GPR20: variants seen among roughly 807,000 people sequenced by gnomAD.
The protein encoded by GPR20 is G protein-coupled receptor 20, also known as CTD-3064M3.3.
For missense variants in GPR20, 494 were observed against 527.4 expected (o/e 0.94, Z 0.62); for synonymous variants, 241 against 241.9 (o/e 1.00, Z 0.04).
At chr8:141,359,937 C>T (rs769133457) in intron 1 of GPR20, among the ~76,000 whole-genome samples, 1 of 152,222 alleles carries the variant, frequency 6.6e-6, no homozygotes, top group Non-Finnish European at 1.5e-5. Flanking sequence ...TTTGTCTGCA[C>T]GGGGCCTATA....
intron 1 of GPR20, among the ~76,000 whole-genome samples, chr8:141,362,022 G>C (rs567921968): frequency 3.3e-5 from 5 of 152,336 alleles, no homozygotes; most frequent in African/African-American, 1.2e-4. Flanking sequence ...CGGGGCTGCC[G>C]CTGGGTTGGG....
chr8:141,361,502 G>T (rs1240838591), intron 1 of GPR20, among the ~76,000 whole-genome samples: 2 of 152,224 alleles, frequency 1.3e-5, no homozygotes, highest in African/African-American at 4.8e-5. Context: ...CCAGCCCAGA[G>T]TAGGGGCTCA....
rs565667789 is a variant in GPR20 at position 141,360,070 on chromosome 8, G to A, written c.-24-2123C>T. Reference sequence around the variant, plus strand: ...CAGAAAACTCCCCAGGGCCAGCCCAGCAGGCTCACCAGCAACGCTGCGGTG... The same window carrying A: ...CAGAAAACTCCCCAGGGCCAGCCCAACAGGCTCACCAGCAACGCTGCGGTG... On this transcript the variant is annotated intron_variant, in intron 1 of 1. Transcript: ENST00000377741. 7.9e-5 allele frequency among the ~76,000 whole-genome samples: 12 copies of A among 152,304 alleles called. No homozygotes were observed. The East Asian group carries it at 1.9e-3, about 25-fold the overall frequency.
intron 1 of GPR20, among the ~76,000 whole-genome samples, chr8:141,365,872 G>A (rs750392748): frequency 2.6e-5 from 4 of 152,160 alleles, no homozygotes; most frequent in Admixed American, 6.5e-5. Flanking sequence ...GGCTTCCTTC[G>A]CAGTGCCCTG....
intron 1 of GPR20, among the ~76,000 whole-genome samples, chr8:141,360,040 T>C (rs1213875590): frequency 6.6e-6 from 1 of 152,128 alleles, no homozygotes; most frequent in Admixed American, 6.5e-5. Flanking sequence ...GGAATTCTGC[T>C]GTCCCAGAAA....
chr8:141,365,298 G>C (rs1831798142), intron 1 of GPR20, among the ~76,000 whole-genome samples: 1 of 152,192 alleles, frequency 6.6e-6, no homozygotes, highest in Non-Finnish European at 1.5e-5. Context: ...GGGTGTTTCT[G>C]GCCCCACTGT....
intron 1 of GPR20, among the ~76,000 whole-genome samples, chr8:141,364,915 A>G (rs1208483853): frequency 6.6e-6 from 1 of 152,162 alleles, no homozygotes; most frequent in African/African-American, 2.4e-5. Flanking sequence ...CCGTAGCTGC[A>G]GCAGCTCCTG....
Position 141,357,365 on chromosome 8 carries a change from C to A in GPR20, c.559G>T (p.Gly187Cys). 6.4e-7 allele frequency: 1 copy of A among 1,561,928 alleles called. No homozygotes were observed. The highest frequency in any genetic ancestry group is 1.2e-5 in the South Asian group (1 of 86,772). ...CAGCAGGGCCGGCTGCCTGTCACGC[C>A]CAGCACCGACAGGGTGACGGCACCG... ...AAGAVTLSVLGVTGSRPCCRV... is the reference protein window; with the variant it reads ...AAGAVTLSVLCVTGSRPCCRV... Residue 187 changes from glycine to cysteine, a missense_variant, in exon 2 of 2, where the codon GGC (glycine) becomes TGC (cysteine). By Grantham distance (159) the Gly-to-Cys change is radical (BLOSUM62 -3). Transcript: ENST00000377741.
intron 1 of GPR20, among the ~76,000 whole-genome samples, chr8:141,365,304 A>C (rs899061127): frequency 7.2e-5 from 11 of 152,144 alleles, no homozygotes; most frequent in Non-Finnish European, 1.5e-4. Flanking sequence ...TTCTGGCCCC[A>C]CTGTGCCTGT....
chr8:141,362,048 G>A (rs1389522403), intron 1 of GPR20, among the ~76,000 whole-genome samples: 1 of 152,018 alleles, frequency 6.6e-6, no homozygotes, highest in Non-Finnish European at 1.5e-5. Context: ...TCCCTGGGAG[G>A]GGCCTGAGGC....
intron 1 of GPR20, among the ~76,000 whole-genome samples, chr8:141,361,552 G>A (rs944809248): frequency 2.6e-5 from 4 of 152,176 alleles, no homozygotes; most frequent in Admixed American, 6.5e-5. Flanking sequence ...AGCTGCCAGC[G>A]GGGGACCCAG....
Position 141,357,279 on chromosome 8 carries a change from A to G in GPR20, c.645T>C (p.Phe215=), listed in dbSNP as rs1256989331. 5.8e-6 allele frequency: 9 copies of G among 1,542,394 alleles called. No homozygotes were observed. The African/African-American group carries it at 1.2e-4, about 21-fold the overall frequency. Residue 215 remains phenylalanine, a synonymous_variant, in exon 2 of 2, where the codon TTT becomes TTC. Coordinates refer to ENST00000377741, the MANE Select transcript of GPR20 (RefSeq NM_005293.3). The stretch of plus-strand genomic sequence containing the variant: ...ACAGTGCACACATGATGCGGCCGGT[A>G]AACACGCTGATGACCAGCAGGGGCA... ...FLLPLLVISV[F]TGRIMCALSR...
In GPR20 at chr8:141,357,623, G is replaced by A. The variant is rs1831670258; in HGVS notation, c.301C>T (p.Leu101=). The A allele has an allele frequency of 3.1e-6, 5 of 1,614,014 alleles. No homozygotes were observed. The African/African-American group carries it at 5.3e-5, about 17-fold the overall frequency. Residue 101 remains leucine (L), a synonymous_variant, in exon 2 of 2, where the codon CTG becomes TTG. Transcript: ENST00000377741. The part of the protein sequence containing the change: ...YTINLVVTDL[L]VGLSLPTRFA... Reference sequence around the variant, plus strand: ...CGCGTGGGCAGGGACAGCCCTACCAGTAGATCGGTCACCACCAGGTTGATG... The same window carrying A: ...CGCGTGGGCAGGGACAGCCCTACCAATAGATCGGTCACCACCAGGTTGATG...
chr8:141,360,557 G>T (rs1463834556), intron 1 of GPR20, among the ~76,000 whole-genome samples: 1 of 152,210 alleles, frequency 6.6e-6, no homozygotes, highest in Admixed American at 6.5e-5. Context: ...CGATTATTAC[G>T]GGGCCTCTCT....
chr8:141,366,984 C>T (rs1218214244), intron 1 of GPR20, among the ~76,000 whole-genome samples: 4 of 152,228 alleles, frequency 2.6e-5, no homozygotes, highest in Non-Finnish European at 5.9e-5. Context: ...CCATGTTCTC[C>T]CTCAGGTCTC....
chr8:141,358,316 G>A (rs1831684335), intron 1 of GPR20, among the ~76,000 whole-genome samples: 1 of 152,238 alleles, frequency 6.6e-6, no homozygotes, highest in African/African-American at 2.4e-5. Context: ...AGACCACGGG[G>A]CTCCAGTGTG....
intron 1 of GPR20, among the ~76,000 whole-genome samples, chr8:141,361,786 G>A (rs912414030): frequency 2.6e-5 from 4 of 151,622 alleles, no homozygotes; most frequent in Non-Finnish European, 5.9e-5. Context: ...CAGGTGTGGC[G>A]GGGCAGGGGC....
chr8:141,365,203 G>A (rs1321356025), intron 1 of GPR20, among the ~76,000 whole-genome samples: 1 of 152,214 alleles, frequency 6.6e-6, no homozygotes, highest in Non-Finnish European at 1.5e-5. Flanking sequence ...CCCAGGGGGA[G>A]AGCTATGATC....
At chr8:141,362,909 C>T (rs545387873) in intron 1 of GPR20, among the ~76,000 whole-genome samples, 1 of 152,228 alleles carries the variant, frequency 6.6e-6, no homozygotes, top group South Asian at 2.1e-4. Flanking sequence ...GCCCGTGCCA[C>T]ACCTGGGTAA....
Sources: allele counts gnomAD v4.1 joint callset (sites outside exome capture counted in the v4.1 genomes callset), GRCh38; gene constraint gnomAD v4.1.1; transcripts MANE v1.5; gene names NCBI Gene and HGNC (gene_info 2026-07-23, HGNC 2026-07-21).